RORA: variants seen among roughly 807,000 people sequenced by gnomAD.
The protein encoded by RORA is RAR related orphan receptor A.
RORA carries 7 observed loss-of-function variants against 69.5 expected under a neutral mutation model. The ratio of observed to expected loss-of-function variants is 0.10; its 90% CI spans 0.06 to 0.19. The LOEUF (loss-of-function observed/expected upper bound fraction) is 0.19. RORA is among the 10% of genes least tolerant of loss of function. The pLI, the probability that RORA is intolerant of heterozygous loss-of-function variation, is 1.00. For missense variants in RORA, 457 were observed against 663.0 expected, an observed-to-expected ratio of 0.69 and a Z score of 3.41; for synonymous variants, 261 against 240.8, an observed-to-expected ratio of 1.08 and a Z score of -0.78.
chr15:60,520,607 C>G (rs1213169322), intron 3 of RORA, among the ~76,000 whole-genome samples: 1 of 151,834 alleles, frequency 6.6e-6, no homozygotes, highest in Non-Finnish European at 1.5e-5. Context: ...GGGAGAAATC[C>G]TGCAAAAGGA....
rs115231920 is a variant in RORA at position 60,724,697 on chromosome 15, G to A, written c.167-46011C>T. Among the ~76,000 whole-genome samples, 781 of 152,294 alleles carry A rather than the reference G, an allele frequency of 5.1e-3. 7 individuals carry two copies. Among genetic ancestry groups the A allele is most frequent in the African/African-American group, 0.018 (737 of 41,560 alleles). ...TCTGAGTACTGTGTCTCTGGAGGGCGAGCTCCTTAAGAAAAGAGTGGGTCT... is the reference window on the plus strand; with the variant it reads ...TCTGAGTACTGTGTCTCTGGAGGGCAAGCTCCTTAAGAAAAGAGTGGGTCT... On this transcript the variant is annotated intron_variant, in intron 1 of 10. Coordinates refer to ENST00000335670, the MANE Select transcript of RORA (RefSeq NM_134261.3).
chr15:60,824,733 A>G (rs2072935609), intron 1 of RORA, among the ~76,000 whole-genome samples: 1 of 152,216 alleles, frequency 6.6e-6, no homozygotes, highest in Non-Finnish European at 1.5e-5. Flanking sequence ...GTAAAGTTTC[A>G]TAAGAAATGC....
At chr15:61,052,375 C>T (rs1477882219) in intron 1 of RORA, among the ~76,000 whole-genome samples, 1 of 152,238 alleles carries the variant, frequency 6.6e-6, no homozygotes, top group African/African-American at 2.4e-5. Flanking sequence ...GGGAAAGCCT[C>T]ATACGTAATG....
intron 1 of RORA, among the ~76,000 whole-genome samples, chr15:61,220,868 C>A (rs899936377): frequency 1.3e-5 from 2 of 152,188 alleles, no homozygotes; most frequent in Non-Finnish European, 2.9e-5. Flanking sequence ...ATGCTAATGT[C>A]ATTTTCCTTT....
chr15:60,497,981 C>G (rs1277442565), intron 10 of RORA, among the ~76,000 whole-genome samples: 1 of 151,934 alleles, frequency 6.6e-6, no homozygotes, highest in African/African-American at 2.4e-5. Context: ...ATTGCTAGAA[C>G]CCGGGAGGTG....
chr15:61,144,190 A>G (rs1343333010), intron 1 of RORA, among the ~76,000 whole-genome samples: 1 of 152,192 alleles, frequency 6.6e-6, no homozygotes, highest in East Asian at 1.9e-4. Context: ...CTCAGGATCA[A>G]CACCCACAGA....
rs1033939435 is a variant in RORA, at chr15:60,491,712, CACAA to C, written c.*5739_*5742del. 4 of 151,982 alleles carry C rather than the reference CACAA, an allele frequency of 2.6e-5. No homozygotes were observed. Among genetic ancestry groups the C allele is most frequent in the Non-Finnish European group, 2.9e-5 (2 of 67,972 alleles). The allele number at this position is 151,982 out of a possible 1,614,324, so 9.4% of individuals were successfully genotyped here. ...AGCCTGACAACACTGATCTCACCTA[CACAA>C]ACAGACAGACAGACCCAGAAGTGAA... On this transcript the variant is annotated 3_prime_UTR_variant, in exon 11 of 11. Coordinates refer to ENST00000335670, the MANE Select transcript of RORA (RefSeq NM_134261.3).
At chr15:60,509,857 T>C (rs895751505) in intron 5 of RORA, among the ~76,000 whole-genome samples, 3 of 152,078 alleles carry the variant, frequency 2.0e-5, no homozygotes, top group African/African-American at 7.2e-5. Context: ...GGTTTCTCTG[T>C]TAATCAAAAG....
rs566506447 is a variant in RORA at position 61,082,501 on chromosome 15, C to CA, written c.166+146551dup. ...CAAAACTCCATCTCAAACAAACAAA[C>CA]AAAAAAACCACATACACAATAATAC... is the stretch of plus-strand genomic sequence containing the variant. On this transcript the variant is annotated intron_variant, in intron 1 of 10. Transcript: ENST00000335670. Among the ~76,000 whole-genome samples the CA allele has an allele frequency of 2.2e-4, 34 of 152,122 alleles. 3 individuals are homozygous for CA. In the East Asian group the frequency reaches 6.6e-3, roughly 29 times the overall value.
At chr15:60,756,685 A>G (rs554865774) in intron 1 of RORA, among the ~76,000 whole-genome samples, 1 of 152,338 alleles carries the variant, frequency 6.6e-6, no homozygotes, top group East Asian at 1.9e-4. Flanking sequence ...AAGAATAAAA[A>G]TAAATCACAT....
chr15:61,012,524 A>C (rs1895119253), intron 1 of RORA, among the ~76,000 whole-genome samples: 1 of 152,216 alleles, frequency 6.6e-6, no homozygotes, highest in South Asian at 2.1e-4. Context: ...ATTCAAACAA[A>C]ATTCATGTCT....
At chr15:60,554,904 AC>A (rs1346907021) in intron 2 of RORA, among the ~76,000 whole-genome samples, 1 of 151,246 alleles carries the variant, frequency 6.6e-6, no homozygotes, top group Non-Finnish European at 1.5e-5. Flanking sequence ...TGATGTACCC[AC>A]CCATTTTTAA....
intron 1 of RORA, among the ~76,000 whole-genome samples, chr15:61,181,680 C>CAAAAAA (rs749054081): frequency 1.7e-5 from 1 of 57,748 alleles, no homozygotes; most frequent in Non-Finnish European, 3.6e-5. Flanking sequence ...TTAGCTTTGG[C>CAAAAAA]AAAAAAAAAA....
chr15:60,859,562 C>T (rs2073415792), intron 1 of RORA, among the ~76,000 whole-genome samples: 1 of 148,810 alleles, frequency 6.7e-6, no homozygotes, highest in Admixed American at 6.8e-5. Flanking sequence ...GCAGTCTCTT[C>T]GTGGGACTGC....
At chr15:60,941,523 GC>G (rs930783906) in intron 1 of RORA, among the ~76,000 whole-genome samples, 47 of 152,296 alleles carry the variant, frequency 3.1e-4, no homozygotes, top group African/African-American at 1.1e-3. Flanking sequence ...TCAACAGTGG[GC>G]CCTCCCAATG....
chr15:60,672,457 C>T (rs2070487669), intron 2 of RORA, among the ~76,000 whole-genome samples: 1 of 152,194 alleles, frequency 6.6e-6, no homozygotes, highest in Admixed American at 6.5e-5. Flanking sequence ...GCAACACCTA[C>T]CTCACAAAGT....
chr15:60,811,682 A>T (rs28607476), intron 1 of RORA, among the ~76,000 whole-genome samples: 1 of 152,206 alleles, frequency 6.6e-6, no homozygotes, highest in Non-Finnish European at 1.5e-5. Flanking sequence ...GAAAACTGAC[A>T]GTTTCTTTAT....
At chr15:60,895,275 C>G (rs1002450975) in intron 1 of RORA, among the ~76,000 whole-genome samples, 1 of 152,056 alleles carries the variant, frequency 6.6e-6, no homozygotes, top group African/African-American at 2.4e-5. Flanking sequence ...CAGTTCTGAT[C>G]GGATTCACTT....
chr15:60,987,310 T>C lies in RORA; in HGVS notation c.166+241743A>G, dbSNP rs1010721668. On this transcript the variant is annotated intron_variant, in intron 1 of 10. Coordinates refer to ENST00000335670, the MANE Select transcript of RORA (RefSeq NM_134261.3). ...TGGAGGACGGTCTGTCTAATCATAATTATCCAAGACAGACTCCAGATTATC... is the reference window on the plus strand; with the variant it reads ...TGGAGGACGGTCTGTCTAATCATAACTATCCAAGACAGACTCCAGATTATC... Among the ~76,000 whole-genome samples the C allele has an allele frequency of 1.5e-4, 23 of 152,300 alleles. 1 individual carries two copies. Among genetic ancestry groups the C allele is most frequent in the African/African-American group, 4.6e-4 (19 of 41,564 alleles).
Sources: gnomAD v4.1 joint callset for allele counts (sites outside exome capture counted in the v4.1 genomes callset) on GRCh38, gnomAD v4.1.1 for gene constraint, MANE v1.5 for transcripts, NCBI Gene and HGNC (gene_info 2026-07-23, HGNC 2026-07-21) for gene names.